The following SLC15A1 variants were observed in gnomAD, a reference collection of about 807,000 sequenced individuals.
SLC15A1 encodes the protein solute carrier family 15 member 1.
Under a neutral mutation model 92.9 loss-of-function variants are expected in SLC15A1, and 83 were observed. The observed-to-expected ratio is 0.89, with a 90% CI of 0.75 to 1.07. The LOEUF is 1.07. Ranked by LOEUF, SLC15A1 falls within the 50% of genes least tolerant of loss-of-function variation. SLC15A1 has a pLI of 0.00. For missense variants in SLC15A1, 857 were observed against 880.1 expected (o/e 0.97, Z 0.33); for synonymous variants, 322 against 318.2 (o/e 1.01, Z -0.13).
intron 9 of SLC15A1, among the ~76,000 whole-genome samples, chr13:98,713,342 G>C (rs1390963168): frequency 1.3e-5 from 2 of 151,970 alleles, no homozygotes; most frequent in African/African-American, 4.8e-5. Flanking sequence ...AGTGGCATTA[G>C]CCACCATGCC....
chr13:98,714,610 C>T (rs1250254429), intron 9 of SLC15A1, among the ~76,000 whole-genome samples: 3 of 136,240 alleles, frequency 2.2e-5, no homozygotes, highest in African/African-American at 5.5e-5. Flanking sequence ...GCTGAGAGTG[C>T]ACCACTGCCC....
Position 98,712,484 on chromosome 13 carries a change from T to C in SLC15A1, c.810+14A>G. ...GGGGGAATCAGGGTCATTGTAGCAA[T>C]GACCGTTACTTACATCGTATTTCTC... On this transcript the variant is annotated intron_variant, in intron 10 of 22. Transcript: ENST00000376503. The C allele has an allele frequency of 6.3e-7, 1 of 1,593,646 alleles. No individual in the cohort carries two copies.
chr13:98,715,587 C>T (rs528911284), intron 9 of SLC15A1, among the ~76,000 whole-genome samples: 13 of 152,292 alleles, frequency 8.5e-5, no homozygotes, highest in African/African-American at 2.6e-4. Flanking sequence ...TTCACTGCTC[C>T]CTGACAAACC....
intron 1 of SLC15A1, among the ~76,000 whole-genome samples, chr13:98,744,388 C>T (rs1486260454): frequency 2.0e-5 from 3 of 148,708 alleles, no homozygotes; most frequent in African/African-American, 7.5e-5. Flanking sequence ...AAATGCTTTA[C>T]AATCATGGTT....
At chr13:98,701,174 C>G (rs1221665699) in intron 18 of SLC15A1, among the ~76,000 whole-genome samples, 1 of 152,154 alleles carries the variant, frequency 6.6e-6, no homozygotes, top group Non-Finnish European at 1.5e-5. Flanking sequence ...ATACAGCTGT[C>G]TCTCCATTTA....
chr13:98,751,008 G>C (rs1462612892), intron 1 of SLC15A1, among the ~76,000 whole-genome samples: 4 of 152,066 alleles, frequency 2.6e-5, no homozygotes, highest in Non-Finnish European at 5.9e-5. Context: ...ACCTGCCCTG[G>C]CCTCCCAAAG....
chr13:98,702,996 AAAG>A, intron 17 of SLC15A1, among the ~76,000 whole-genome samples: 1 of 150,268 alleles, frequency 6.7e-6, no homozygotes, highest in Non-Finnish European at 1.5e-5. Flanking sequence ...AAAAAAAAGA[AAAG>A]AAAAAGAGGG....
chr13:98,749,548 CCCTATGAT>C (rs1275715687), intron 1 of SLC15A1, among the ~76,000 whole-genome samples: 2 of 152,142 alleles, frequency 1.3e-5, no homozygotes, highest in African/African-American at 4.8e-5. Context: ...GCACCCCCAG[CCCTATGAT>C]CCTACGAAGG....
At chr13:98,686,430 A>G (rs781376541) in intron 21 of SLC15A1, 133 bp from the exon 22 acceptor site, 135 of 654,550 alleles carry the variant, frequency 2.1e-4, no homozygotes, top group Non-Finnish European at 3.3e-4. Flanking sequence ...GCCTCAATGT[A>G]AAAAGGATCA....
At chr13:98,711,433 T>C (rs2088162057) in intron 11 of SLC15A1, among the ~76,000 whole-genome samples, 1 of 152,154 alleles carries the variant, frequency 6.6e-6, no homozygotes, top group Non-Finnish European at 1.5e-5. Flanking sequence ...AGCCCAAGCA[T>C]TCCATCTTAC....
chr13:98,747,601 C>A (rs1461890340), intron 1 of SLC15A1, among the ~76,000 whole-genome samples: 5 of 152,226 alleles, frequency 3.3e-5, no homozygotes, highest in African/African-American at 7.2e-5. Flanking sequence ...AAAAACCCAG[C>A]CTGGCACAGT....
intron 18 of SLC15A1, among the ~76,000 whole-genome samples, chr13:98,695,360 C>T (rs1187009491): frequency 1.3e-5 from 2 of 151,910 alleles, no homozygotes; most frequent in Admixed American, 6.6e-5. Context: ...TAGCTAGGAC[C>T]ACAAGCATGC....
intron 1 of SLC15A1, among the ~76,000 whole-genome samples, chr13:98,742,227 A>G (rs918819484): frequency 5.3e-5 from 8 of 152,216 alleles, no homozygotes; most frequent in African/African-American, 1.9e-4. Context: ...GACATGGAAC[A>G]CAAAACCACT....
At position 98,688,248 on chromosome 13, in the gene SLC15A1, C is replaced by T. The variant is rs2087946663; in HGVS notation, c.1683G>A (p.Lys561=). 6.3e-7 allele frequency: 1 copy of T among 1,597,118 alleles called. No individual in the cohort carries two copies. Among genetic ancestry groups the T allele is most frequent in the African/African-American group, 1.3e-5 (1 of 74,400 alleles). Residue 561 remains lysine (K), a splice_region_variant and synonymous_variant, in exon 20 of 23, where the codon AAG becomes AAA. Coordinates refer to ENST00000376503, the MANE Select transcript of SLC15A1 (RefSeq NM_005073.4). ...GSAYTYIVQR[K]NDSCPEVKVF... is the part of the protein sequence containing the mutation. ...TGATACAATGAAACGAGTTACTAAC[C>T]TTCCTTTGGACTATATAGGTATAAG...
intron 18 of SLC15A1, among the ~76,000 whole-genome samples, chr13:98,693,678 T>C (rs1326949339): frequency 6.6e-6 from 1 of 152,244 alleles, no homozygotes; most frequent in East Asian, 1.9e-4. Context: ...GTCCTTTCAA[T>C]TCTTGATGAC....
intron 7 of SLC15A1, among the ~76,000 whole-genome samples, chr13:98,719,722 G>A (rs1020033382): frequency 3.3e-5 from 5 of 152,186 alleles, no homozygotes; most frequent in African/African-American, 9.7e-5. Context: ...GCAATTCGAT[G>A]ACCTAGGGCA....
intron 22 of SLC15A1, 137 bp from the exon 23 acceptor site, chr13:98,685,052 G>A: frequency 1.3e-6 from 1 of 762,710 alleles, no homozygotes; most frequent in Non-Finnish European, 2.1e-6. Context: ...AAATTGGTAA[G>A]CAACCAATAC....
chr13:98,698,182 T>G (rs1425906108), intron 18 of SLC15A1, among the ~76,000 whole-genome samples: 1 of 152,194 alleles, frequency 6.6e-6, no homozygotes, highest in Non-Finnish European at 1.5e-5. Context: ...CATTTTCAGT[T>G]GAGGGATACA....
In SLC15A1 at chr13:98,724,016, G is replaced by T; in HGVS notation, c.261C>A (p.Leu87=). ...CTTGTCCAATTGTGTAGACAATGGA[G>T]AGCGACACAATGGTCCTGTGTTTCC... is the stretch of plus-strand genomic sequence containing the variant. ...WLGKFKTIVS[L]SIVYTIGQAV... is the part of the protein sequence containing the mutation. Residue 87 remains leucine, a synonymous_variant, in exon 5 of 23, where the codon CTC becomes CTA. Coordinates refer to ENST00000376503, the MANE Select transcript of SLC15A1 (RefSeq NM_005073.4). 6.2e-7 allele frequency: 1 copy of T among 1,614,118 alleles called. No homozygotes were observed.
Sources: allele counts gnomAD v4.1 joint callset (sites outside exome capture counted in the v4.1 genomes callset), GRCh38; gene constraint gnomAD v4.1.1; transcripts MANE v1.5; gene names NCBI Gene and HGNC (gene_info 2026-07-23, HGNC 2026-07-21).